Variants in GRIN2B observed in about 807,000 individuals in gnomAD.
GRIN2B encodes the protein glutamate ionotropic receptor NMDA type subunit 2B.
Under a neutral mutation model 114.5 loss-of-function variants are expected in GRIN2B, and 5 were observed. The ratio of observed to expected loss-of-function variants is 0.04; its 90% confidence interval spans 0.02 to 0.09. The LOEUF (loss-of-function observed/expected upper bound fraction) is 0.09. GRIN2B is among the 10% of genes least tolerant of loss of function. The probability of loss-of-function intolerance (pLI) is 1.00; values close to 1 mark genes in which losing one functional copy is unlikely to be tolerated. For synonymous variants in GRIN2B, 787 were observed against 745.1 expected (o/e 1.06, Z -0.92); for missense variants, 1,108 against 1,943.5 (o/e 0.57, Z 8.08).
intron 1 of GRIN2B, among the ~76,000 whole-genome samples, chr12:13,980,936 A>C (rs1223898252): frequency 1.3e-5 from 2 of 151,768 alleles, no homozygotes; most frequent in African/African-American, 2.4e-5. Context: ...CCCCGCGCGC[A>C]CTCACACTCA....
At chr12:13,727,238 G>A (rs930012714) in intron 4 of GRIN2B, among the ~76,000 whole-genome samples, 2 of 152,072 alleles carry the variant, frequency 1.3e-5, no homozygotes, top group Non-Finnish European at 2.9e-5. Flanking sequence ...GACAAGGTAG[G>A]GTGTGGACTG....
intron 3 of GRIN2B, among the ~76,000 whole-genome samples, chr12:13,832,188 G>A (rs1865161549): frequency 6.6e-6 from 1 of 152,060 alleles, no homozygotes. Context: ...TTCTTATTAT[G>A]AGAACATTAT....
intron 5 of GRIN2B, among the ~76,000 whole-genome samples, chr12:13,651,661 C>A (rs923399330): frequency 1.1e-4 from 17 of 152,068 alleles, no homozygotes; most frequent in African/African-American, 4.1e-4. Flanking sequence ...TAACTCTAAC[C>A]CTAACTCCTT....
chr12:13,824,855 CAAAA>C (rs34417194), intron 3 of GRIN2B, among the ~76,000 whole-genome samples: 3 of 95,112 alleles, frequency 3.2e-5, no homozygotes, highest in Non-Finnish European at 5.8e-5. Flanking sequence ...GACTCCATTT[CAAAA>C]AAAAAAAAAA....
At chr12:13,873,359 GA>G (rs1194279369) in intron 2 of GRIN2B, among the ~76,000 whole-genome samples, 6 of 152,260 alleles carry the variant, frequency 3.9e-5, no homozygotes, top group African/African-American at 1.2e-4. Context: ...CTATTAAGTA[GA>G]AGACCAATAT....
At chr12:13,937,742 CTG>C (rs1867154811) in intron 2 of GRIN2B, among the ~76,000 whole-genome samples, 1 of 152,058 alleles carries the variant, frequency 6.6e-6, no homozygotes, top group Admixed American at 6.5e-5. Context: ...GAAGATAACA[CTG>C]TTTATTAAGA....
At chr12:13,956,764 T>C (rs1042761832) in intron 2 of GRIN2B, among the ~76,000 whole-genome samples, 1 of 152,174 alleles carries the variant, frequency 6.6e-6, no homozygotes, top group Non-Finnish European at 1.5e-5. Context: ...ACGGAACATT[T>C]TTACGTGGAT....
At position 13,538,977 on chromosome 12, in the gene GRIN2B, T is replaced by A. The variant is rs1430854518; in HGVS notation, c.*23806A>T. 1.3e-5 allele frequency: 2 copies of A among 152,002 alleles called. No individual in the cohort carries two copies. The highest frequency in any genetic ancestry group is 4.8e-5 in the African/African-American group (2 of 41,386). 9.4% of individuals were successfully genotyped at this position (152,002 alleles called of 1,614,324 possible). A position where few individuals can be genotyped will look rare whatever the true frequency, so the allele number is the denominator to read the frequency against. On this transcript the variant is annotated 3_prime_UTR_variant, in exon 14 of 14. Coordinates refer to ENST00000609686, the MANE Select transcript of GRIN2B (RefSeq NM_000834.5). ...TCAGATTATTGTTAAAGCAGTTCTG[T>A]TGTCCAAAAAAAATTTGGGGTTTAA...
chr12:13,594,352 G>A (rs754055080), intron 10 of GRIN2B, among the ~76,000 whole-genome samples: 30 of 152,062 alleles, frequency 2.0e-4, no homozygotes, highest in Non-Finnish European at 3.7e-4. Context: ...CCATAAAAAA[G>A]GATCAGTTCA....
chr12:13,825,452 A>T (rs1865014248), intron 3 of GRIN2B, among the ~76,000 whole-genome samples: 2 of 147,062 alleles, frequency 1.4e-5, no homozygotes, highest in African/African-American at 5.0e-5. Flanking sequence ...AAGCTGGTAG[A>T]TTTTATATAT....
intron 2 of GRIN2B, among the ~76,000 whole-genome samples, chr12:13,875,216 A>C (rs1180441124): frequency 6.6e-6 from 1 of 152,170 alleles, no homozygotes; most frequent in East Asian, 1.9e-4. Flanking sequence ...CTTAAAATAA[A>C]AGTTGAAGAA....
intron 3 of GRIN2B, among the ~76,000 whole-genome samples, chr12:13,822,301 T>TATCC (rs1864954493): frequency 1.3e-5 from 2 of 152,174 alleles, no homozygotes; most frequent in Non-Finnish European, 2.9e-5. Context: ...TTCTGAAAGG[T>TATCC]ATCCCTAAGG....
chr12:13,709,124 G>C (rs926353516), intron 4 of GRIN2B, among the ~76,000 whole-genome samples: 4 of 151,902 alleles, frequency 2.6e-5, no homozygotes, highest in African/African-American at 9.7e-5. Flanking sequence ...TAAAATTCAT[G>C]GCACACCTAT....
At chr12:13,838,531 C>T (rs1865319864) in intron 3 of GRIN2B, among the ~76,000 whole-genome samples, 1 of 152,168 alleles carries the variant, frequency 6.6e-6, no homozygotes. Context: ...CTTCTGATTA[C>T]AGCGCCAACC....
chr12:13,706,705 G>A (rs533772298), intron 4 of GRIN2B, among the ~76,000 whole-genome samples: 34 of 152,156 alleles, frequency 2.2e-4, no homozygotes, highest in African/African-American at 8.2e-4. Context: ...AAGATTTTTT[G>A]AATCTCCTAA....
At chr12:13,608,913 C>G in intron 9 of GRIN2B, 81 bp from the exon 10 acceptor site, 1 of 998,930 alleles carries the variant, frequency 1.0e-6, no homozygotes, top group South Asian at 1.3e-5. Flanking sequence ...CAGGGTGAGT[C>G]CCTGCTCAGA....
intron 2 of GRIN2B, among the ~76,000 whole-genome samples, chr12:13,949,287 T>A (rs1158520528): frequency 6.6e-6 from 1 of 152,162 alleles, no homozygotes; most frequent in Non-Finnish European, 1.5e-5. Flanking sequence ...CTCAGAAGAT[T>A]CTGGTTGCTA....
At chr12:13,793,842 A>T (rs972240039) in intron 3 of GRIN2B, among the ~76,000 whole-genome samples, 16 of 152,076 alleles carry the variant, frequency 1.1e-4, no homozygotes, top group African/African-American at 3.9e-4. Flanking sequence ...TTTTTGGAAG[A>T]AGGAAGTGGG....
intron 2 of GRIN2B, among the ~76,000 whole-genome samples, chr12:13,917,056 T>G (rs1433220511): frequency 6.6e-6 from 1 of 151,928 alleles, no homozygotes; most frequent in Non-Finnish European, 1.5e-5. Context: ...GAAAGGGGCA[T>G]TCCACACTAA....
Sources: allele counts gnomAD v4.1 joint callset (sites outside exome capture counted in the v4.1 genomes callset), GRCh38; gene constraint gnomAD v4.1.1; transcripts MANE v1.5; gene names NCBI Gene and HGNC (gene_info 2026-07-23, HGNC 2026-07-21).